The following DPYD variants were observed in gnomAD, a reference collection of about 807,000 sequenced individuals.
DPYD encodes the protein dihydropyrimidine dehydrogenase.
In DPYD, 109 loss-of-function variants were observed where a neutral mutation model predicts 116.2. The ratio of observed to expected loss-of-function variants is 0.94; its 90% CI spans 0.80 to 1.10. The LOEUF is 1.10. DPYD is among the 50% of genes least tolerant of loss of function. DPYD has a pLI of 0.00. For missense variants in DPYD, 1,302 were observed against 1,254.5 expected, an observed-to-expected ratio of 1.04 and a Z score of -0.57; for synonymous variants, 440 against 432.0, an observed-to-expected ratio of 1.02 and a Z score of -0.23.
intron 8 of DPYD, among the ~76,000 whole-genome samples, chr1:97,660,346 T>C (rs913113446): frequency 2.0e-5 from 3 of 152,146 alleles, no homozygotes; most frequent in Non-Finnish European, 2.9e-5. Flanking sequence ...GTACAAAATA[T>C]ATTACTTTTA....
intron 16 of DPYD, among the ~76,000 whole-genome samples, chr1:97,365,322 T>C (rs1489609672): frequency 6.6e-6 from 1 of 152,224 alleles, no homozygotes; most frequent in African/African-American, 2.4e-5. Flanking sequence ...GTGTCCCACC[T>C]TGTCTCTACT....
chr1:97,717,354 C>T (rs1662670580), intron 5 of DPYD, among the ~76,000 whole-genome samples: 1 of 151,896 alleles, frequency 6.6e-6, no homozygotes, highest in Admixed American at 6.6e-5. Context: ...CTACAGATAC[C>T]TCTTTTCTGA....
At chr1:97,487,204 T>C (rs1425703249) in intron 13 of DPYD, among the ~76,000 whole-genome samples, 1 of 152,048 alleles carries the variant, frequency 6.6e-6, no homozygotes, top group East Asian at 1.9e-4. Flanking sequence ...TATACACCAG[T>C]GGAAACAAAG....
intron 3 of DPYD, among the ~76,000 whole-genome samples, chr1:97,786,900 G>A (rs1026296370): frequency 2.0e-5 from 3 of 152,090 alleles, no homozygotes; most frequent in Admixed American, 1.3e-4. Flanking sequence ...ACTAGTGAGG[G>A]AGAAAACTGT....
intron 10 of DPYD, among the ~76,000 whole-genome samples, chr1:97,591,473 T>A (rs1251336879): frequency 6.6e-6 from 1 of 152,180 alleles, no homozygotes; most frequent in Non-Finnish European, 1.5e-5. Flanking sequence ...GTAGTTTTAA[T>A]AAATGAATGA....
At chr1:97,250,550 G>C (rs184259581) in intron 18 of DPYD, among the ~76,000 whole-genome samples, 18 of 152,210 alleles carry the variant, frequency 1.2e-4, no homozygotes, top group Non-Finnish European at 2.6e-4. Flanking sequence ...TAAACTACTA[G>C]CAATAAAAAT....
At chr1:97,607,996 T>C (rs1429728432) in intron 8 of DPYD, among the ~76,000 whole-genome samples, 3 of 151,900 alleles carry the variant, frequency 2.0e-5, no homozygotes, top group Non-Finnish European at 2.9e-5. Flanking sequence ...CAAATACATA[T>C]ATTGTAACTA....
At position 97,472,412 on chromosome 1, in the gene DPYD, C is replaced by T. The variant is rs573208083; in HGVS notation, c.1741-22189G>A. Among the ~76,000 whole-genome samples the T allele has an allele frequency of 2.3e-3, 357 of 152,292 alleles. 1 individual carries two copies. Among genetic ancestry groups the T allele is most frequent in the Non-Finnish European group, 3.6e-3 (244 of 68,030 alleles). ...CTTTTGATAGGTTCAGAGGCAACAACCTGAGAAAGAGTCCATACATGGTTC... is the reference window on the plus strand; with the variant it reads ...CTTTTGATAGGTTCAGAGGCAACAATCTGAGAAAGAGTCCATACATGGTTC... On this transcript the variant is annotated intron_variant, in intron 13 of 22. Coordinates refer to ENST00000370192, the MANE Select transcript of DPYD (RefSeq NM_000110.4).
intron 4 of DPYD, among the ~76,000 whole-genome samples, chr1:97,739,124 C>G (rs1386019863): frequency 6.6e-6 from 1 of 151,960 alleles, no homozygotes; most frequent in Non-Finnish European, 1.5e-5. Flanking sequence ...TTTGGATTCT[C>G]CTTTTCTGAT....
chr1:97,313,457 ATGT>A (rs1667632112), intron 16 of DPYD, among the ~76,000 whole-genome samples: 1 of 151,388 alleles, frequency 6.6e-6, no homozygotes, highest in Non-Finnish European at 1.5e-5. Flanking sequence ...TGATTATAAA[ATGT>A]TGTAACTGTA....
intron 3 of DPYD, among the ~76,000 whole-genome samples, chr1:97,795,859 ACT>A (rs1258407490): frequency 3.3e-5 from 5 of 151,768 alleles, no homozygotes; most frequent in Non-Finnish European, 4.4e-5. Flanking sequence ...ATAATGAAAC[ACT>A]CTTTTTATTA....
chr1:97,361,358 C>T (rs1197969547), intron 16 of DPYD, among the ~76,000 whole-genome samples: 5 of 152,158 alleles, frequency 3.3e-5, no homozygotes, highest in African/African-American at 4.8e-5. Context: ...GATTCACAGC[C>T]GAATTCTACC....
chr1:97,683,544 C>T (rs1392300486), intron 7 of DPYD, among the ~76,000 whole-genome samples: 1 of 151,780 alleles, frequency 6.6e-6, no homozygotes, highest in Non-Finnish European at 1.5e-5. Flanking sequence ...AATGCAATAT[C>T]TTCATTCATA....
At position 97,721,606 on chromosome 1, in the gene DPYD, TACCATTC is replaced by T; in HGVS notation, c.380_386del (p.Gly127AspfsTer9). On this transcript the variant is annotated frameshift_variant, in exon 5 of 23. Transcript: ENST00000370192. LOFTEE classifies it high-confidence loss of function. ...CTACACAAAGATCAGAGGTTGGACATACCATTCCACAAGTCAGACCAAGTGGGTTGTC... is the reference window on the plus strand; with the variant it reads ...CTACACAAAGATCAGAGGTTGGACATCACAAGTCAGACCAAGTGGGTTGTC... 1.9e-6 allele frequency: 3 copies of T among 1,611,884 alleles called. No homozygotes were observed. The highest frequency in any genetic ancestry group is 2.2e-5 in the South Asian group (2 of 91,038).
intron 3 of DPYD, among the ~76,000 whole-genome samples, chr1:97,790,565 C>G (rs997938641): frequency 1.3e-5 from 2 of 152,122 alleles, no homozygotes; most frequent in Admixed American, 1.3e-4. Context: ...TCTCAGAAAA[C>G]GTGCTTGAAT....
intron 3 of DPYD, among the ~76,000 whole-genome samples, chr1:97,764,750 C>G (rs759498025): frequency 6.6e-6 from 1 of 151,956 alleles, no homozygotes; most frequent in Non-Finnish European, 1.5e-5. Flanking sequence ...CCATATTTTA[C>G]GTACCATATT....
At chr1:97,307,486 C>T (rs551966008) in intron 16 of DPYD, among the ~76,000 whole-genome samples, 2 of 151,738 alleles carry the variant, frequency 1.3e-5, no homozygotes, top group Admixed American at 1.3e-4. Context: ...GTGTCTTGAT[C>T]CATCATCCTG....
At chr1:97,678,192 C>T (rs1015341273) in intron 8 of DPYD, among the ~76,000 whole-genome samples, 4 of 152,076 alleles carry the variant, frequency 2.6e-5, no homozygotes, top group Non-Finnish European at 4.4e-5. Context: ...TTAGATCCTT[C>T]GCATGCCCAG....
intron 8 of DPYD, among the ~76,000 whole-genome samples, chr1:97,653,240 T>C (rs1383824966): frequency 1.3e-5 from 2 of 151,750 alleles, no homozygotes; most frequent in Non-Finnish European, 2.9e-5. Flanking sequence ...AATCATTAAA[T>C]GAAAGAATGG....
Sources: allele counts gnomAD v4.1 joint callset (sites outside exome capture counted in the v4.1 genomes callset), GRCh38; gene constraint gnomAD v4.1.1; transcripts MANE v1.5; gene names NCBI Gene and HGNC (gene_info 2026-07-23, HGNC 2026-07-21).